The following LRRC4C variants were observed in gnomAD, a reference collection of about 807,000 sequenced individuals.
The protein encoded by LRRC4C is leucine rich repeat containing 4C, also known as leucine-rich repeat-containing protein 4C.
A neutral mutation model predicts 33.6 loss-of-function variants in LRRC4C; 5 were observed. The ratio of observed to expected loss-of-function variants is 0.15; its 90% confidence interval spans 0.08 to 0.31. The LOEUF is 0.31. LRRC4C is among the 10% of genes least tolerant of loss of function. The pLI, the probability that LRRC4C is intolerant of heterozygous loss-of-function variation, is 1.00. For missense variants in LRRC4C, 560 were observed against 796.7 expected (o/e 0.70, Z 3.58); for synonymous variants, 329 against 302.0 (o/e 1.09, Z -0.93).
At chr11:40,704,579 G>A (rs979492408) in intron 2 of LRRC4C, among the ~76,000 whole-genome samples, 5 of 152,004 alleles carry the variant, frequency 3.3e-5, no homozygotes, top group African/African-American at 1.2e-4. Context: ...CAAGAAACCC[G>A]GGAAACTAAC....
intron 2 of LRRC4C, among the ~76,000 whole-genome samples, chr11:40,864,509 G>A (rs1353656380): frequency 6.6e-6 from 1 of 152,170 alleles, no homozygotes; most frequent in Non-Finnish European, 1.5e-5. Context: ...TAAGGCACTT[G>A]ACACGTAAAA....
intron 3 of LRRC4C, among the ~76,000 whole-genome samples, chr11:40,427,324 T>A (rs1381418668): frequency 1.3e-5 from 2 of 151,496 alleles, no homozygotes; most frequent in Non-Finnish European, 2.9e-5. Flanking sequence ...GCCAATGTCA[T>A]GAAACCACAT....
At chr11:41,233,631 C>G (rs1368626194) in intron 1 of LRRC4C, among the ~76,000 whole-genome samples, 5 of 151,790 alleles carry the variant, frequency 3.3e-5, no homozygotes, top group African/African-American at 9.7e-5. Flanking sequence ...TTAGATATAT[C>G]AGTAATTTAA....
At chr11:40,237,531 T>C (rs1442641082) in intron 5 of LRRC4C, among the ~76,000 whole-genome samples, 1 of 152,200 alleles carries the variant, frequency 6.6e-6, no homozygotes, top group African/African-American at 2.4e-5. Context: ...GCATTGTGTA[T>C]ATAAAGAATC....
At chr11:41,082,539 T>A (rs1260700316) in intron 1 of LRRC4C, among the ~76,000 whole-genome samples, 5 of 151,422 alleles carry the variant, frequency 3.3e-5, no homozygotes, top group Non-Finnish European at 5.9e-5. Context: ...TAGAAAGTCA[T>A]TTAATTCTCA....
chr11:40,293,055 T>C (rs1180547598), intron 4 of LRRC4C: 1 of 152,156 alleles, frequency 6.6e-6, no homozygotes, highest in East Asian at 1.9e-4. Context: ...AGATTTCTCA[T>C]CACAACCCAG....
At chr11:40,331,513 A>G (rs932935562) in intron 3 of LRRC4C, among the ~76,000 whole-genome samples, 16 of 152,244 alleles carry the variant, frequency 1.1e-4, no homozygotes, top group Non-Finnish European at 2.1e-4. Flanking sequence ...TGAAACATGG[A>G]TGGGCTTGGA....
intron 1 of LRRC4C, among the ~76,000 whole-genome samples, chr11:41,187,393 A>ACCAGCAGAC (rs1350195142): frequency 6.6e-6 from 1 of 152,160 alleles, no homozygotes; most frequent in East Asian, 1.9e-4. Flanking sequence ...GAAAGAGCAC[A>ACCAGCAGAC]CCAGCAGACC....
At chr11:41,303,969 G>A (rs1209364030) in intron 1 of LRRC4C, among the ~76,000 whole-genome samples, 96 of 92,900 alleles carry the variant, frequency 1.0e-3, no homozygotes, top group African/African-American at 2.8e-3. Context: ...GTCTCCGCCC[G>A]GCAGCCACCC....
chr11:41,328,536 C>T (rs1951194525), intron 1 of LRRC4C, among the ~76,000 whole-genome samples: 1 of 152,152 alleles, frequency 6.6e-6, no homozygotes, highest in African/African-American at 2.4e-5. Context: ...CAACACGCTC[C>T]TTACTGAGTT....
At chr11:40,722,516 C>A (rs755121518) in intron 2 of LRRC4C, among the ~76,000 whole-genome samples, 1 of 152,124 alleles carries the variant, frequency 6.6e-6, no homozygotes, top group Non-Finnish European at 1.5e-5. Flanking sequence ...CCTGAAAGCA[C>A]CCAGAAACAA....
chr11:41,361,258 C>T (rs1395076615), intron 1 of LRRC4C, among the ~76,000 whole-genome samples: 1 of 152,152 alleles, frequency 6.6e-6, no homozygotes, highest in Non-Finnish European at 1.5e-5. Flanking sequence ...CTATTGTTGC[C>T]ATTTTCACTA....
chr11:41,084,635 G>T (rs895353088), intron 1 of LRRC4C, among the ~76,000 whole-genome samples: 22 of 152,200 alleles, frequency 1.4e-4, no homozygotes, highest in African/African-American at 5.3e-4. Flanking sequence ...GATCACCTGA[G>T]GTCAGGAATT....
At chr11:40,455,995 G>A (rs113357612) in intron 3 of LRRC4C, among the ~76,000 whole-genome samples, 6 of 152,154 alleles carry the variant, frequency 3.9e-5, no homozygotes, top group African/African-American at 1.4e-4. Flanking sequence ...TTAATTCCAT[G>A]TTCTCAATAC....
At position 41,142,425 on chromosome 11, in the gene LRRC4C, A is replaced by G. The variant is rs772730045; in HGVS notation, c.-495-208702T>C. Reference sequence around the variant, plus strand: ...ACTAGGTCTGGAATGAGGCTCAAGAATCTGCTTTTATAACAAGTACCCAAG... The same window carrying G: ...ACTAGGTCTGGAATGAGGCTCAAGAGTCTGCTTTTATAACAAGTACCCAAG... On this transcript the variant is annotated intron_variant, in intron 1 of 6. Coordinates refer to ENST00000528697, the MANE Select transcript of LRRC4C (RefSeq NM_001258419.2). Among the ~76,000 whole-genome samples the G allele has an allele frequency of 9.2e-5, 14 of 152,172 alleles. No individual in the cohort carries two copies. In the South Asian group the frequency reaches 1.0e-3, roughly 11 times the overall value.
intron 1 of LRRC4C, among the ~76,000 whole-genome samples, chr11:41,224,180 C>T (rs1421055790): frequency 6.6e-6 from 1 of 152,116 alleles, no homozygotes; most frequent in East Asian, 1.9e-4. Flanking sequence ...GAATTACCTG[C>T]CGTGGAAAAA....
At chr11:40,368,061 T>G (rs1011653962) in intron 3 of LRRC4C, among the ~76,000 whole-genome samples, 6 of 152,156 alleles carry the variant, frequency 3.9e-5, no homozygotes, top group Non-Finnish European at 8.8e-5. Flanking sequence ...TTGTCATAGC[T>G]GATTGGCTTA....
At chr11:40,771,481 C>T (rs1226332953) in intron 2 of LRRC4C, among the ~76,000 whole-genome samples, 3 of 152,258 alleles carry the variant, frequency 2.0e-5, no homozygotes, top group African/African-American at 7.2e-5. Context: ...GGAAAATTTT[C>T]CCCATTGTTT....
intron 2 of LRRC4C, among the ~76,000 whole-genome samples, chr11:40,893,737 A>G (rs1283044331): frequency 1.3e-5 from 2 of 152,172 alleles, no homozygotes; most frequent in African/African-American, 4.8e-5. Flanking sequence ...TTCAAAGGCT[A>G]TAATATATAT....
Sources: gnomAD v4.1 joint callset for allele counts (sites outside exome capture counted in the v4.1 genomes callset) on GRCh38, gnomAD v4.1.1 for gene constraint, MANE v1.5 for transcripts, NCBI Gene and HGNC (gene_info 2026-07-23, HGNC 2026-07-21) for gene names.